WASHC5: variants seen among roughly 807,000 people sequenced by gnomAD.
WASHC5 encodes WASH complex subunit strumpellin.
WASHC5 carries 101 observed loss-of-function variants against 150.4 expected under a neutral mutation model. The observed-to-expected ratio is 0.67, with a 90% CI of 0.57 to 0.79. The LOEUF is 0.79. Ranked by LOEUF, WASHC5 falls within the 30% of genes least tolerant of loss-of-function variation. The pLI is 0.00. For synonymous variants in WASHC5, 467 were observed against 491.2 expected (o/e 0.95, Z 0.65); for missense variants, 1,195 against 1,396.3 (o/e 0.86, Z 2.30).
At chr8:125,079,142 A>ATAC (rs1312566224) in intron 5 of WASHC5, among the ~76,000 whole-genome samples, 163 of 108,162 alleles carry the variant, frequency 1.5e-3, no homozygotes, top group South Asian at 3.9e-3. Context: ...ATATATATAC[A>ATAC]TTTTTTTTTG....
intron 26 of WASHC5, among the ~76,000 whole-genome samples, chr8:125,034,185 A>G (rs935094321): frequency 6.6e-6 from 1 of 152,160 alleles, no homozygotes; most frequent in African/African-American, 2.4e-5. Flanking sequence ...CTGCAACAAG[A>G]TACCATAGAT....
intron 5 of WASHC5, among the ~76,000 whole-genome samples, chr8:125,079,326 G>A (rs1342390992): frequency 2.7e-5 from 4 of 150,260 alleles, no homozygotes; most frequent in Admixed American, 6.7e-5. Context: ...GAGTAACTGG[G>A]ACTACAGGCA....
At chr8:125,084,888 T>C (rs1817373419) in intron 1 of WASHC5, among the ~76,000 whole-genome samples, 1 of 152,248 alleles carries the variant, frequency 6.6e-6, no homozygotes, top group Non-Finnish European at 1.5e-5. Flanking sequence ...GAGGTAGTCC[T>C]AAGCATCTCT....
In WASHC5 at chr8:125,083,275, CAT is replaced by C. The variant is rs769355571; in HGVS notation, c.187-19_187-18del. 8.7e-6 allele frequency: 14 copies of C among 1,609,248 alleles called. No homozygotes were observed. The highest frequency in any genetic ancestry group is 3.3e-4 in the Middle Eastern group (2 of 6,076). ...TTCTGGACCCTGAGAAAAAAAAACA[CAT>C]GTGAAATGTCAATAAAAGCATACTT... On this transcript the variant is annotated intron_variant, in intron 2 of 28. Coordinates refer to ENST00000318410, the MANE Select transcript of WASHC5 (RefSeq NM_014846.4).
chr8:125,070,230 C>A (rs1249931569), intron 9 of WASHC5, among the ~76,000 whole-genome samples: 1 of 152,212 alleles, frequency 6.6e-6, no homozygotes, highest in Non-Finnish European at 1.5e-5. Context: ...TGAGACTAGG[C>A]CTGCTTTTCT....
intron 28 of WASHC5, among the ~76,000 whole-genome samples, chr8:125,025,857 C>CACACACACACACACACACAT (rs1356089707): frequency 4.6e-5 from 7 of 151,800 alleles, no homozygotes; most frequent in Non-Finnish European, 8.8e-5. Context: ...CACACACACA[C>CACACACACACACACACACAT]AATCAAAATT....
Position 125,078,921 on chromosome 8 carries a change from T to C in WASHC5, c.528A>G (p.Arg176=). ...CGTCCATATTTGAATCAGCAGAAGA[T>C]CGAGCAGCACTGAGTCATATTCACA... is the stretch of plus-strand genomic sequence containing the variant. The part of the protein sequence containing the change: ...LVSYYRYSAA[R]SSADSNMDDI... Residue 176 remains arginine (R), a synonymous_variant, in exon 6 of 29, where the codon CGA becomes CGG. Coordinates refer to ENST00000318410, the MANE Select transcript of WASHC5 (RefSeq NM_014846.4). 1 of 1,613,686 alleles carries C rather than the reference T, an allele frequency of 6.2e-7. No homozygotes were observed.
rs376307168 is a variant in WASHC5, at chr8:125,049,147, C to A, written c.2238G>T (p.Ala746=). The change falls in exon 19 of 29, where the codon GCG becomes GCT. Residue 746 remains alanine (A), a synonymous_variant. Transcript: ENST00000318410. ...AAGAACGATGGAATCCATCCATGGT[C>A]GCTCCCAACTCTTTCAGCTTGGGCA... ...ELMPKLKELG[A]TMDGFHRSFE... 3.1e-6 allele frequency: 5 copies of A among 1,614,020 alleles called. No individual in the cohort carries two copies. The Admixed American group carries it at 6.7e-5, about 22-fold the overall frequency.
In WASHC5 at chr8:125,056,755, G is replaced by A. The variant is rs747294263; in HGVS notation, c.1938C>T (p.Thr646=). ...TSLLKIIKLQ[T]HDIIEVPTRL... ...GGGTAGGCACTTCAATAATGTCGTG[G>A]GTCTGAAGCTTTATGATCTTTAGAA... Residue 646 remains threonine (T), a synonymous_variant, in exon 16 of 29, where the codon ACC becomes ACT. Coordinates refer to ENST00000318410, the MANE Select transcript of WASHC5 (RefSeq NM_014846.4). 1 of 1,614,032 alleles carries A rather than the reference G, an allele frequency of 6.2e-7. No individual in the cohort carries two copies. The highest frequency in any genetic ancestry group is 1.1e-5 in the South Asian group (1 of 91,072).
chr8:125,082,796 G>A lies in WASHC5; in HGVS notation c.332+317C>T, dbSNP rs903770718. 3.6e-5 allele frequency: 13 copies of A among 362,472 alleles called. No individual in the cohort carries two copies. The Admixed American group carries it at 4.8e-4, about 13-fold the overall frequency. 22.5% of individuals were successfully genotyped at this position (362,472 alleles called of 1,614,324 possible). On this transcript the variant is annotated intron_variant, in intron 3 of 28. Transcript: ENST00000318410. ...TAAGAAGTGTATTAAGAGACAGAAAGTTAATGATAAAGATAAGTTCTTTTT... is the reference window on the plus strand; with the variant it reads ...TAAGAAGTGTATTAAGAGACAGAAAATTAATGATAAAGATAAGTTCTTTTT...
At position 125,028,711 on chromosome 8, in the gene WASHC5, T is replaced by C; in HGVS notation, c.3336-4A>G. The C allele has an allele frequency of 6.2e-7, 1 of 1,608,286 alleles. No individual in the cohort carries two copies. The highest frequency in any genetic ancestry group is 8.5e-7 in the Non-Finnish European group (1 of 1,174,700). Reference sequence around the variant, plus strand: ...AGGAATTTCAGGTATCTTCTGGCTGTGATAGAGAACAGTTTAGATCAATTA... The same window carrying C: ...AGGAATTTCAGGTATCTTCTGGCTGCGATAGAGAACAGTTTAGATCAATTA... On this transcript the variant is annotated splice_polypyrimidine_tract_variant and splice_region_variant and intron_variant, in intron 27 of 28. Transcript: ENST00000318410.
intron 23 of WASHC5, among the ~76,000 whole-genome samples, chr8:125,040,973 T>C (rs1358367076): frequency 6.6e-6 from 1 of 152,220 alleles, no homozygotes; most frequent in Admixed American, 6.5e-5. Flanking sequence ...TGTAATGAAA[T>C]ATAATTAACC....
Position 125,044,608 on chromosome 8 carries a change from C to A in WASHC5, c.2595G>T (p.Gln865His). The A allele has an allele frequency of 6.2e-7, 1 of 1,614,124 alleles. No homozygotes were observed. Residue 865 changes from glutamine (Q) to histidine (H), a missense_variant, in exon 21 of 29, where the codon CAG becomes CAT. Around this residue, in one of 3 missense-constraint regions of WASHC5, gnomAD observed 997 missense variants for 1,168.1 expected, o/e 0.85. Transcript: ENST00000318410. ...VTSSRLFSEI[Q>H]TTLGTFGLNG... Reference sequence around the variant, plus strand: ...TTAGACCAAAGGTTCCCAAGGTGGTCTGGATTTCTGAGAAGAGGCGGCTGC... The same window carrying A: ...TTAGACCAAAGGTTCCCAAGGTGGTATGGATTTCTGAGAAGAGGCGGCTGC...
intron 9 of WASHC5, among the ~76,000 whole-genome samples, chr8:125,070,169 T>C (rs573263291): frequency 6.6e-6 from 1 of 152,306 alleles, no homozygotes; most frequent in East Asian, 1.9e-4. Flanking sequence ...CAAGGTTCTG[T>C]ACAAGCATCC....
At chr8:125,049,237 A>C in intron 18 of WASHC5, 52 bp from the exon 19 acceptor site, 1 of 1,572,638 alleles carries the variant, frequency 6.4e-7, no homozygotes, top group Non-Finnish European at 8.8e-7. Context: ...ATTGTCAACT[A>C]TTCGTTCTAA....
In WASHC5 at chr8:125,028,663, A is replaced by C; in HGVS notation, c.3380T>G (p.Leu1127Arg). Residue 1127 changes from leucine to arginine, a missense_variant, in exon 28 of 29, where the codon CTG becomes CGG. This residue lies in a region of WASHC5 where 997 missense variants were observed against 1,168.1 expected (regional missense o/e 0.85). Transcript: ENST00000318410. ...GTACCGAACATAATCCTCCAGGAAC[A>C]GAAGGGCACCCACAACATCTGCAGG... ...EIPADVVGALLFLEDYVRYTK... is the reference protein window; with the variant it reads ...EIPADVVGALRFLEDYVRYTK... The C allele has an allele frequency of 6.2e-7, 1 of 1,613,966 alleles. No homozygotes were observed. The highest frequency in any genetic ancestry group is 8.5e-7 in the Non-Finnish European group (1 of 1,179,856).
intron 10 of WASHC5, 131 bp from the exon 11 acceptor site, chr8:125,063,782 G>C (rs774336015): frequency 1.2e-4 from 92 of 787,532 alleles, no homozygotes; most frequent in Non-Finnish European, 1.8e-4. Context: ...CATTGACCCT[G>C]ATGTCATCTC....
chr8:125,080,715 C>T (rs6980470), intron 5 of WASHC5, among the ~76,000 whole-genome samples: 19,719 of 152,150 alleles, frequency 0.13, 3,120 homozygotes, highest in African/African-American at 0.38. Context: ...GTGCGTTAGA[C>T]ACTAAAATTA....
intron 6 of WASHC5, among the ~76,000 whole-genome samples, chr8:125,076,751 A>AAAAAAAAAAAAAG (rs1303872605): frequency 6.6e-6 from 1 of 151,370 alleles, no homozygotes; most frequent in African/African-American, 2.4e-5. Context: ...TCTTAAAAAA[A>AAAAAAAAAAAAAG]AAAAAAAAAA....
Sources: allele counts gnomAD v4.1 joint callset (sites outside exome capture counted in the v4.1 genomes callset), GRCh38; gene constraint gnomAD v4.1.1; regional missense constraint gnomAD v4.1.1; transcripts MANE v1.5; gene names NCBI Gene and HGNC (gene_info 2026-07-23, HGNC 2026-07-21).